Variants in CDH13 observed in about 807,000 individuals in gnomAD.
CDH13 encodes cadherin 13.
A neutral mutation model predicts 63.8 loss-of-function variants in CDH13; 24 were observed. The ratio of observed to expected loss-of-function variants is 0.38; its 90% CI spans 0.27 to 0.53. CDH13 has a LOEUF of 0.53. CDH13 is among the 20% of genes least tolerant of loss of function. The pLI is 0.85. For synonymous variants in CDH13, 503 were observed against 355.3 expected (o/e 1.42, Z -4.67); for missense variants, 1,049 against 903.1 (o/e 1.16, Z -2.07).
At chr16:83,634,671 G>C (rs1048801787) in intron 8 of CDH13, among the ~76,000 whole-genome samples, 1 of 152,130 alleles carries the variant, frequency 6.6e-6, no homozygotes, top group Non-Finnish European at 1.5e-5. Context: ...AAAGTGCTGG[G>C]ATTACAGGTG....
At chr16:83,127,430 C>G (rs986331624) in intron 4 of CDH13, among the ~76,000 whole-genome samples, 2 of 152,172 alleles carry the variant, frequency 1.3e-5, no homozygotes, top group African/African-American at 4.8e-5. Flanking sequence ...GTGACTTGGA[C>G]TATTGAAAAT....
At chr16:83,516,052 A>G (rs2074692118) in intron 7 of CDH13, among the ~76,000 whole-genome samples, 2 of 152,206 alleles carry the variant, frequency 1.3e-5, no homozygotes, top group African/African-American at 4.8e-5. Flanking sequence ...GATTTATTCA[A>G]AAATTCGCTT....
intron 7 of CDH13, among the ~76,000 whole-genome samples, chr16:83,564,657 C>G (rs2075762617): frequency 6.6e-6 from 1 of 152,172 alleles, no homozygotes; most frequent in Non-Finnish European, 1.5e-5. Context: ...GATCCACCTC[C>G]CTCGGCCTCC....
intron 7 of CDH13, among the ~76,000 whole-genome samples, chr16:83,564,296 T>C (rs774158393): frequency 1.1e-4 from 17 of 151,742 alleles, no homozygotes; most frequent in African/African-American, 3.1e-4. Flanking sequence ...CAGGGAACAA[T>C]TGGGTAAGTG....
chr16:83,274,396 C>T (rs17679617), intron 5 of CDH13, among the ~76,000 whole-genome samples: 20,410 of 152,200 alleles, frequency 0.13, 1,476 homozygotes, highest in Middle Eastern at 0.23. Context: ...CATTATTTGG[C>T]TCCTACCCTG....
chr16:83,780,243 C>T (rs1224846195), intron 12 of CDH13, 42 bp downstream of exon 12: 11 of 1,333,728 alleles, frequency 8.2e-6, no homozygotes, highest in Non-Finnish European at 1.2e-5. Flanking sequence ...TTCCAGCTTT[C>T]AGTTTATTTT....
chr16:83,397,634 T>C (rs2091907799), intron 6 of CDH13: 1 of 152,210 alleles, frequency 6.6e-6, no homozygotes, highest in South Asian at 2.1e-4. Flanking sequence ...TAGAGATACA[T>C]TTGTAGCTTG....
intron 2 of CDH13, among the ~76,000 whole-genome samples, chr16:83,021,625 T>G (rs1366504349): frequency 6.6e-6 from 1 of 152,218 alleles, no homozygotes; most frequent in African/African-American, 2.4e-5. Context: ...TGATATCTTC[T>G]GCTGACATGA....
At chr16:83,130,450 C>G (rs552778955) in intron 4 of CDH13, among the ~76,000 whole-genome samples, 3 of 152,170 alleles carry the variant, frequency 2.0e-5, no homozygotes, top group Non-Finnish European at 2.9e-5. Context: ...GACAATTTCT[C>G]TTTTTAAAAC....
chr16:83,257,716 CT>C (rs1906468047), intron 5 of CDH13, among the ~76,000 whole-genome samples: 1 of 152,178 alleles, frequency 6.6e-6, no homozygotes, highest in South Asian at 2.1e-4. Context: ...GTGAATAGTG[CT>C]GCAATGAACA....
rs548663431 is a variant in CDH13, at chr16:82,909,810, C to T, written c.157+51337C>T. Among the ~76,000 whole-genome samples, 365 of 152,222 alleles carry T rather than the reference C, an allele frequency of 2.4e-3. 3 individuals are homozygous for T. The highest frequency in any genetic ancestry group is 8.4e-3 in the African/African-American group (349 of 41,544). The stretch of plus-strand genomic sequence containing the variant: ...AGATCTGGGTGGGGACACAGCCAAA[C>T]GATATCAGATGTACTTCGCATATCA... On this transcript the variant is annotated intron_variant, in intron 2 of 13. Transcript: ENST00000567109.
At chr16:83,338,935 T>C (rs2090661857) in intron 5 of CDH13, among the ~76,000 whole-genome samples, 1 of 152,250 alleles carries the variant, frequency 6.6e-6, no homozygotes, top group South Asian at 2.1e-4. Flanking sequence ...TGAGAAACCA[T>C]TGAAAGGTAT....
intron 2 of CDH13, among the ~76,000 whole-genome samples, chr16:82,888,713 C>T (rs1456924488): frequency 6.6e-6 from 1 of 152,192 alleles, no homozygotes; most frequent in East Asian, 1.9e-4. Flanking sequence ...TTATTTATTG[C>T]CTTGGACAGC....
intron 5 of CDH13, among the ~76,000 whole-genome samples, chr16:83,270,712 T>C (rs567548026): frequency 1.1e-3 from 165 of 152,286 alleles, no homozygotes; most frequent in South Asian, 1.5e-3. Context: ...CACGTTCCTA[T>C]CTGTCATCTT....
intron 4 of CDH13, among the ~76,000 whole-genome samples, chr16:83,138,089 C>T (rs769321391): frequency 6.6e-6 from 1 of 151,846 alleles, no homozygotes; most frequent in Non-Finnish European, 1.5e-5. Context: ...TTAATTGTTC[C>T]CATCTGTGAG....
chr16:82,750,997 G>A (rs1280618644), intron 1 of CDH13, among the ~76,000 whole-genome samples: 1 of 152,178 alleles, frequency 6.6e-6, no homozygotes, highest in African/African-American at 2.4e-5. Context: ...CAAAAATTAT[G>A]GCGCTGGTCC....
chr16:83,223,938 G>A (rs895085778), intron 5 of CDH13, among the ~76,000 whole-genome samples: 5 of 152,084 alleles, frequency 3.3e-5, no homozygotes, highest in Non-Finnish European at 5.9e-5. Flanking sequence ...CCCATCACAC[G>A]AGCAGTATAC....
At position 83,476,984 on chromosome 16, in the gene CDH13, G is replaced by A. The variant is rs371032575; in HGVS notation, c.782-9493G>A. Among the ~76,000 whole-genome samples, 217 of 152,290 alleles carry A rather than the reference G, an allele frequency of 1.4e-3. 1 individual carries two copies. The highest frequency in any genetic ancestry group is 5.0e-3 in the African/African-American group (209 of 41,552). On this transcript the variant is annotated intron_variant, in intron 6 of 13. Transcript: ENST00000567109. Reference sequence around the variant, plus strand: ...TAAGGGGTGTAAGAAAAATCTTACTGTCGAAGTCTGGATAAAAGGAAGAAA... The same window carrying A: ...TAAGGGGTGTAAGAAAAATCTTACTATCGAAGTCTGGATAAAAGGAAGAAA...
intron 6 of CDH13, among the ~76,000 whole-genome samples, chr16:83,407,886 T>G (rs1187465124): frequency 6.6e-6 from 1 of 152,220 alleles, no homozygotes; most frequent in East Asian, 1.9e-4. Context: ...TGAGTATGCA[T>G]GGCATTTTAA....
Sources: allele counts gnomAD v4.1 joint callset (sites outside exome capture counted in the v4.1 genomes callset), GRCh38; gene constraint gnomAD v4.1.1; transcripts MANE v1.5; gene names NCBI Gene and HGNC (gene_info 2026-07-23, HGNC 2026-07-21).